PTPRN2: variants seen among roughly 807,000 people sequenced by gnomAD.
PTPRN2 encodes the protein protein tyrosine phosphatase receptor type N2, also known as receptor-type tyrosine-protein phosphatase N2.
PTPRN2 carries 74 observed loss-of-function variants against 118.8 expected under a neutral mutation model. The ratio of observed to expected loss-of-function variants is 0.62; its 90% CI spans 0.52 to 0.76. The LOEUF is 0.76. PTPRN2 is among the 30% of genes least tolerant of loss of function. The probability of loss-of-function intolerance (pLI) is 0.00; values close to 1 mark genes in which losing one functional copy is unlikely to be tolerated. For missense variants in PTPRN2, 1,481 were observed against 1,394.4 expected, an observed-to-expected ratio of 1.06 and a Z score of -0.99; for synonymous variants, 641 against 608.0, an observed-to-expected ratio of 1.05 and a Z score of -0.80.
intron 3 of PTPRN2, among the ~76,000 whole-genome samples, chr7:158,266,900 G>A (rs944636130): frequency 3.9e-5 from 6 of 152,194 alleles, no homozygotes; most frequent in African/African-American, 7.2e-5. Flanking sequence ...TTCAGATGCC[G>A]CTGTGGGGCC....
chr7:157,921,477 T>G (rs888761118), intron 11 of PTPRN2, among the ~76,000 whole-genome samples: 3 of 152,250 alleles, frequency 2.0e-5, no homozygotes, highest in Admixed American at 1.3e-4. Flanking sequence ...TTATACCATC[T>G]GAAACTCATG....
At chr7:157,856,537 C>T (rs191499669) in intron 12 of PTPRN2, among the ~76,000 whole-genome samples, 2 of 152,344 alleles carry the variant, frequency 1.3e-5, no homozygotes, top group East Asian at 1.9e-4. Context: ...ACCAGCAAGC[C>T]GTGTGTGGCA....
At chr7:158,334,656 G>A (rs1346783658) in intron 2 of PTPRN2, among the ~76,000 whole-genome samples, 7 of 73,998 alleles carry the variant, frequency 9.5e-5, no homozygotes, top group African/African-American at 3.1e-4. Flanking sequence ...CACCATAATT[G>A]GTGACACCTG....
intron 6 of PTPRN2, among the ~76,000 whole-genome samples, chr7:158,153,096 C>T (rs948228640): frequency 1.3e-5 from 2 of 152,162 alleles, no homozygotes; most frequent in African/African-American, 4.8e-5. Context: ...AAGAGCAGAC[C>T]GACAGACACC....
rs111374605 is a variant in PTPRN2 at position 157,583,934 on chromosome 7, A to T, written c.2497-5794T>A. On this transcript the variant is annotated intron_variant, in intron 17 of 22. Transcript: ENST00000389418. This position sits in a 1 kb window ranked among gnomAD's most constrained non-coding sequence, Gnocchi z 5.5. The stretch of plus-strand genomic sequence containing the variant: ...CACACACACACACACACACACACAC[A>T]CTCTTAAAATAAGCTCTCCTGAAGC... 2.7e-3 allele frequency among the ~76,000 whole-genome samples: 368 copies of T among 136,302 alleles called. 1 individual carries two copies. Among genetic ancestry groups the T allele is most frequent in the Non-Finnish European group, 4.2e-3 (266 of 63,270 alleles). 89.4% of individuals were successfully genotyped at this position (136,302 alleles called of 152,430 possible).
intron 15 of PTPRN2, among the ~76,000 whole-genome samples, chr7:157,613,108 G>T (rs1016567335): frequency 2.6e-5 from 4 of 152,144 alleles, no homozygotes; most frequent in Non-Finnish European, 5.9e-5. Flanking sequence ...CATCCGGAGG[G>T]ACAGGCCCGG....
intron 12 of PTPRN2, among the ~76,000 whole-genome samples, chr7:157,747,844 C>T (rs1298716592): frequency 2.4e-4 from 19 of 78,694 alleles, no homozygotes; most frequent in Middle Eastern, 0.013. Flanking sequence ...TTGGGCTGTC[C>T]GGGTGATTCT....
rs1002011562 is a variant in PTPRN2 at position 158,529,339 on chromosome 7, G to A, written c.113-39554C>T. Among the ~76,000 whole-genome samples, 4 of 152,242 alleles carry A rather than the reference G, an allele frequency of 2.6e-5. No individual in the cohort carries two copies. Among genetic ancestry groups the A allele is most frequent in the African/African-American group, 9.6e-5 (4 of 41,456 alleles). ...GTGGCATCTCTGCTGTGCAGGTGCT[G>A]ACACGCCCCAGAGCAAGCATTGGCT... On this transcript the variant is annotated intron_variant, in intron 1 of 22. Transcript: ENST00000389418. The surrounding 1 kb of genome is among the most constrained non-coding windows in gnomAD (Gnocchi z 4.7).
intron 2 of PTPRN2, among the ~76,000 whole-genome samples, chr7:158,405,709 C>T (rs1302866074): frequency 6.6e-6 from 1 of 152,260 alleles, no homozygotes; most frequent in African/African-American, 2.4e-5. Flanking sequence ...TGTGTGGAGC[C>T]TGCACTTGGA....
chr7:158,033,286 T>C (rs1807824014), intron 11 of PTPRN2, among the ~76,000 whole-genome samples: 1 of 152,086 alleles, frequency 6.6e-6, no homozygotes, highest in Non-Finnish European at 1.5e-5. Context: ...GAGGAGGATG[T>C]GGGACGAGAG....
intron 12 of PTPRN2, among the ~76,000 whole-genome samples, chr7:157,897,223 G>GCTC (rs1797178525): frequency 6.6e-6 from 1 of 152,108 alleles, no homozygotes; most frequent in African/African-American, 2.4e-5. Context: ...GGACACCACA[G>GCTC]CTCCTTGTAC....
rs1670514901 is a variant in PTPRN2 at position 157,874,512 on chromosome 7, C to G, written c.1788+24161G>C. ...TGTTCACAAGGAAGTTCATGTCCCC[C>G]TTAACTCGAGCTTTTATTTCAGTGA... On this transcript the variant is annotated intron_variant, in intron 12 of 22. Transcript: ENST00000389418. This position sits in a 1 kb window ranked among gnomAD's most constrained non-coding sequence, Gnocchi z 5.8. Among the ~76,000 whole-genome samples the G allele has an allele frequency of 6.6e-6, 1 of 152,220 alleles. No individual in the cohort carries two copies. Among genetic ancestry groups the G allele is most frequent in the Non-Finnish European group, 1.5e-5 (1 of 68,034 alleles).
At chr7:158,196,198 G>C (rs1399442216) in intron 4 of PTPRN2, among the ~76,000 whole-genome samples, 3 of 152,196 alleles carry the variant, frequency 2.0e-5, no homozygotes, top group Non-Finnish European at 4.4e-5. Context: ...AAGGTCATCA[G>C]TCATCTACCA....
rs772481245 is a variant in PTPRN2 at position 157,676,048 on chromosome 7, C to T, written c.2001+6677G>A. On this transcript the variant is annotated intron_variant, in intron 13 of 22. Transcript: ENST00000389418. This position sits in a 1 kb window ranked among gnomAD's most constrained non-coding sequence, Gnocchi z 5.6. ...CACTCAGCCACACCGAGCCATGGAC[C>T]GTCCCTTGGAGCGCCACAGACTGCA... is the stretch of plus-strand genomic sequence containing the variant. Among the ~76,000 whole-genome samples the T allele has an allele frequency of 1.4e-4, 21 of 152,116 alleles. No individual in the cohort carries two copies. Among genetic ancestry groups the T allele is most frequent in the Admixed American group, 2.0e-4 (3 of 15,272 alleles).
At chr7:158,292,243 G>T (rs979492562) in intron 3 of PTPRN2, among the ~76,000 whole-genome samples, 6 of 152,140 alleles carry the variant, frequency 3.9e-5, no homozygotes, top group Non-Finnish European at 8.8e-5. Context: ...GTTCTTCCTT[G>T]TCTGAAATGA....
chr7:157,561,870 C>T (rs1799208876), intron 21 of PTPRN2, among the ~76,000 whole-genome samples: 1 of 152,260 alleles, frequency 6.6e-6, no homozygotes, highest in Non-Finnish European at 1.5e-5. Flanking sequence ...ACAACCCACG[C>T]CTGGCAGGCA....
Position 158,110,857 on chromosome 7 carries a change from C to A in PTPRN2, c.1615G>T (p.Val539Leu). Residue 539 changes from valine (V) to leucine (L), a missense_variant, in exon 10 of 23, where the codon GTG becomes TTG. Physicochemically the swap from Val to Leu is conservative, Grantham distance 32. Coordinates refer to ENST00000389418, the MANE Select transcript of PTPRN2 (RefSeq NM_002847.5). The part of the protein sequence containing the change: ...LVEDVARLLQ[V>L]PSSAFADVEV... The stretch of plus-strand genomic sequence containing the variant: ...ACGTCAGCGAACGCACTGCTGGGCA[C>A]CTGCAGGAGGCGGGCGACGTCCTCC... 6.3e-7 allele frequency: 1 copy of A among 1,589,918 alleles called. No homozygotes were observed. The highest frequency in any genetic ancestry group is 2.3e-5 in the East Asian group (1 of 44,044).
chr7:158,223,867 A>G (rs10258997), intron 3 of PTPRN2, among the ~76,000 whole-genome samples: 33,210 of 152,102 alleles, frequency 0.22, 4,242 homozygotes, highest in African/African-American at 0.34. Flanking sequence ...AAAGGAAGAA[A>G]TTAAACTGTA....
intron 11 of PTPRN2, among the ~76,000 whole-genome samples, chr7:158,035,083 C>A (rs559560540): frequency 6.6e-6 from 1 of 152,320 alleles, no homozygotes; most frequent in African/African-American, 2.4e-5. Context: ...TTAGGAGGAA[C>A]AAAATTTGAA....
Sources: gnomAD v4.1 joint callset for allele counts (sites outside exome capture counted in the v4.1 genomes callset) on GRCh38, gnomAD v4.1.1 for gene constraint, Gnocchi (gnomAD v3.1) non-coding constraint, MANE v1.5 for transcripts, NCBI Gene and HGNC (gene_info 2026-07-23, HGNC 2026-07-21) for gene names.